PARD3: variants seen among roughly 807,000 people sequenced by gnomAD.
PARD3 encodes par-3 family cell polarity regulator.
PARD3 carries 75 observed loss-of-function variants against 155.4 expected under a neutral mutation model. The ratio of observed to expected loss-of-function variants is 0.48; its 90% CI spans 0.40 to 0.58. The LOEUF is 0.58. Among genes scored for constraint, PARD3 ranks in the 20% least tolerant of loss-of-function variants. The probability of loss-of-function intolerance (pLI) is 0.00; values close to 1 mark genes in which losing one functional copy is unlikely to be tolerated. For missense variants in PARD3, 1,642 were observed against 1,721.7 expected (o/e 0.95, Z 0.82); for synonymous variants, 576 against 610.5 (o/e 0.94, Z 0.83).
intron 13 of PARD3, 23 bp downstream of exon 13, chr10:34,360,048 C>G: frequency 4.4e-6 from 7 of 1,587,744 alleles, no homozygotes; most frequent in Non-Finnish European, 5.2e-6. Context: ...AATAGGCATA[C>G]GCATGATAAA....
chr10:34,151,129 A>C (rs1007244528), intron 22 of PARD3, among the ~76,000 whole-genome samples: 1 of 151,944 alleles, frequency 6.6e-6, no homozygotes, highest in Non-Finnish European at 1.5e-5. Context: ...TTCAATATAC[A>C]CCAATACTTT....
At chr10:34,128,388 T>C (rs1947403468) in intron 23 of PARD3, among the ~76,000 whole-genome samples, 1 of 152,252 alleles carries the variant, frequency 6.6e-6, no homozygotes, top group South Asian at 2.1e-4. Flanking sequence ...TTCTCTTCTT[T>C]ATGATTTTCT....
At chr10:34,651,551 C>T (rs2093014290) in intron 2 of PARD3, among the ~76,000 whole-genome samples, 1 of 152,206 alleles carries the variant, frequency 6.6e-6, no homozygotes, top group Admixed American at 6.5e-5. Flanking sequence ...TACAGCCAAC[C>T]GCAGTCCCTG....
chr10:34,339,959 C>T (rs980400106), intron 16 of PARD3, among the ~76,000 whole-genome samples: 18 of 152,090 alleles, frequency 1.2e-4, no homozygotes, highest in Non-Finnish European at 2.4e-4. Context: ...GTTATTAATC[C>T]TGTCTTATTG....
chr10:34,288,081 C>T (rs541014968), intron 20 of PARD3, among the ~76,000 whole-genome samples: 1 of 151,964 alleles, frequency 6.6e-6, no homozygotes, highest in Non-Finnish European at 1.5e-5. Flanking sequence ...TGTGGTGGTA[C>T]ACACCTGTAG....
At chr10:34,380,063 AAATGT>A (rs1328144716) in intron 9 of PARD3, among the ~76,000 whole-genome samples, 2 of 152,102 alleles carry the variant, frequency 1.3e-5, no homozygotes, top group Non-Finnish European at 2.9e-5. Flanking sequence ...CTTCACTAAT[AAATGT>A]AATAACTTGT....
At chr10:34,183,329 G>A (rs1036208876) in intron 22 of PARD3, among the ~76,000 whole-genome samples, 2 of 152,164 alleles carry the variant, frequency 1.3e-5, no homozygotes, top group African/African-American at 2.4e-5. Context: ...CCTGGGCTCG[G>A]GTGATCCTCC....
chr10:34,219,007 G>A (rs1201257006), intron 22 of PARD3, among the ~76,000 whole-genome samples: 1 of 152,204 alleles, frequency 6.6e-6, no homozygotes, highest in Non-Finnish European at 1.5e-5. Flanking sequence ...AGTAGCCATA[G>A]TATTTAAAGG....
intron 22 of PARD3, among the ~76,000 whole-genome samples, chr10:34,268,264 A>C (rs920022345): frequency 3.9e-5 from 6 of 152,204 alleles, no homozygotes; most frequent in Non-Finnish European, 7.4e-5. Context: ...GTGATCATTA[A>C]AAAGTCAGGA....
intron 2 of PARD3, among the ~76,000 whole-genome samples, chr10:34,637,600 C>T (rs1005571808): frequency 1.3e-5 from 2 of 152,198 alleles, no homozygotes; most frequent in Admixed American, 6.5e-5. Flanking sequence ...AAATGCCCCC[C>T]ACACCTGCCA....
intron 3 of PARD3, among the ~76,000 whole-genome samples, chr10:34,473,885 G>T (rs1241410763): frequency 6.6e-6 from 1 of 152,162 alleles, no homozygotes; most frequent in African/African-American, 2.4e-5. Flanking sequence ...TCTGCCCATA[G>T]AGCACCCCTG....
At chr10:34,138,772 C>T (rs550810124) in intron 22 of PARD3, among the ~76,000 whole-genome samples, 1 of 152,202 alleles carries the variant, frequency 6.6e-6, no homozygotes, top group Non-Finnish European at 1.5e-5. Context: ...TACTTCTCAG[C>T]CCTAGCAATT....
chr10:34,549,980 A>G (rs1330413181), intron 2 of PARD3, among the ~76,000 whole-genome samples: 1 of 152,120 alleles, frequency 6.6e-6, no homozygotes, highest in African/African-American at 2.4e-5. Flanking sequence ...TGTAAGCTCC[A>G]GTCAACAAGA....
chr10:34,758,490 T>C (rs930656823), intron 1 of PARD3, among the ~76,000 whole-genome samples: 1 of 152,156 alleles, frequency 6.6e-6, no homozygotes. Flanking sequence ...ATGAAGGATA[T>C]TAGGAGAGGC....
intron 22 of PARD3, among the ~76,000 whole-genome samples, chr10:34,192,814 A>ATAGAAGTG (rs1449685707): frequency 6.6e-6 from 1 of 152,172 alleles, no homozygotes; most frequent in Non-Finnish European, 1.5e-5. Flanking sequence ...TCCAAGTACC[A>ATAGAAGTG]CGTGCCATTT....
intron 5 of PARD3, among the ~76,000 whole-genome samples, chr10:34,402,912 G>C (rs959002144): frequency 6.6e-6 from 1 of 152,158 alleles, no homozygotes; most frequent in Admixed American, 6.6e-5. Flanking sequence ...TTTCATTAAA[G>C]AGTTCACTAT....
rs562430747 is a variant in PARD3, at chr10:34,706,184, G to C, written c.121-9765C>G. 5.9e-5 allele frequency among the ~76,000 whole-genome samples: 9 copies of C among 152,302 alleles called. No individual in the cohort carries two copies. The South Asian group carries it at 1.9e-3, about 32-fold the overall frequency. On this transcript the variant is annotated intron_variant, in intron 1 of 24. Transcript: ENST00000374788. ...ACAATTTTAAAAAATGCATTCATGTGCATTATCTCATGTGGAAAGAGGGCT... is the reference window on the plus strand; with the variant it reads ...ACAATTTTAAAAAATGCATTCATGTCCATTATCTCATGTGGAAAGAGGGCT...
At chr10:34,604,737 C>T (rs1010066614) in intron 2 of PARD3, among the ~76,000 whole-genome samples, 5 of 151,198 alleles carry the variant, frequency 3.3e-5, no homozygotes, top group African/African-American at 1.2e-4. Context: ...CTATAAGCAA[C>T]AAAGATATTG....
At chr10:34,561,779 A>C (rs1006645364) in intron 2 of PARD3, among the ~76,000 whole-genome samples, 6 of 151,198 alleles carry the variant, frequency 4.0e-5, no homozygotes, top group Non-Finnish European at 7.4e-5. Context: ...CGGCCTCCCA[A>C]AGTGCTGGGA....
Sources: allele counts gnomAD v4.1 joint callset (sites outside exome capture counted in the v4.1 genomes callset), GRCh38; gene constraint gnomAD v4.1.1; transcripts MANE v1.5; gene names NCBI Gene and HGNC (gene_info 2026-07-23, HGNC 2026-07-21).